The following RCHY1 variants were observed in gnomAD, a reference collection of about 807,000 sequenced individuals.
The protein encoded by RCHY1 is ring finger and CHY zinc finger domain containing 1, also known as RING finger and CHY zinc finger domain-containing protein 1.
Under a neutral mutation model 41.6 loss-of-function variants are expected in RCHY1, and 21 were observed. The ratio of observed to expected loss-of-function variants is 0.51; its 90% CI spans 0.36 to 0.73. RCHY1 has a LOEUF of 0.73. RCHY1 is among the 30% of genes least tolerant of loss of function. RCHY1 has a pLI of 0.00. For missense variants in RCHY1, 265 were observed against 325.3 expected, an observed-to-expected ratio of 0.81 and a Z score of 1.43; for synonymous variants, 79 against 102.9, an observed-to-expected ratio of 0.77 and a Z score of 1.41.
chr4:75,509,469 TTA>T (rs1245810795), intron 1 of RCHY1, 173 bp from the exon 2 acceptor site: 2 of 560,768 alleles, frequency 3.6e-6, no homozygotes, highest in African/African-American at 1.9e-5. Flanking sequence ...TTGGCATATT[TTA>T]TGTTAATTCT....
chr4:75,480,526 T>C lies in RCHY1; in HGVS notation c.*2012A>G, dbSNP rs1164279757. On this transcript the variant is annotated 3_prime_UTR_variant, in exon 9 of 9. Coordinates refer to ENST00000324439, the MANE Select transcript of RCHY1 (RefSeq NM_015436.4). ...TAACCTCTAAACCTCAGCTTTCTTG[T>C]CTATGAGGACAACACTTACCCCACA... 2.0e-5 allele frequency: 3 copies of C among 150,466 alleles called. No homozygotes were observed. Among genetic ancestry groups the C allele is most frequent in the African/African-American group, 7.2e-5 (3 of 41,394 alleles). 9.3% of individuals were successfully genotyped at this position (150,466 alleles called of 1,614,324 possible). A position where few individuals can be genotyped will look rare whatever the true frequency, so the allele number is the denominator to read the frequency against.
At chr4:75,482,785 A>G (rs1721628797) in intron 8 of RCHY1, 119 bp from the exon 9 acceptor site, 1 of 651,742 alleles carries the variant, frequency 1.5e-6, no homozygotes, top group Non-Finnish European at 2.2e-6. Flanking sequence ...TAAGTCTAAA[A>G]ATTTCCAAAA....
chr4:75,495,686 A>T (rs1723136178), intron 3 of RCHY1, among the ~76,000 whole-genome samples: 1 of 152,092 alleles, frequency 6.6e-6, no homozygotes, highest in Admixed American at 6.6e-5. Context: ...TACACAACTC[A>T]GATTTATTTC....
chr4:75,490,637 C>G lies in RCHY1; in HGVS notation c.601G>C (p.Asp201His), dbSNP rs1308222641. 2 of 1,610,844 alleles carry G rather than the reference C, an allele frequency of 1.2e-6. No individual in the cohort carries two copies. The highest frequency in any genetic ancestry group is 1.7e-6 in the Non-Finnish European group (2 of 1,177,300). ...ATAGGAGTCTGTGCTACTTCATCAT[C>G]CAGCTGTCTCCAATACCTGGTCATA... ...LDMTRYWRQLDDEVAQTPMPS... is the reference protein window; with the variant it reads ...LDMTRYWRQLHDEVAQTPMPS... The change falls in exon 8 of 9, where the codon GAT (aspartate) becomes CAT (histidine). Residue 201 changes from aspartate (D) to histidine (H), a missense_variant. Physicochemically the swap from Asp to His is moderately conservative, Grantham distance 81. Coordinates refer to ENST00000324439, the MANE Select transcript of RCHY1 (RefSeq NM_015436.4).
At chr4:75,502,732 T>G (rs1723902572) in intron 3 of RCHY1, among the ~76,000 whole-genome samples, 1 of 152,160 alleles carries the variant, frequency 6.6e-6, no homozygotes, top group Non-Finnish European at 1.5e-5. Flanking sequence ...TTTCACATTA[T>G]CAATCATTCC....
chr4:75,505,300 C>G (rs1488886370), intron 3 of RCHY1, among the ~76,000 whole-genome samples: 1 of 152,168 alleles, frequency 6.6e-6, no homozygotes, highest in Non-Finnish European at 1.5e-5. Context: ...TCCTAACAGG[C>G]CATGCACCAG....
rs1400235274 is a variant in RCHY1, at chr4:75,479,641, T to G, written c.*2897A>C. On this transcript the variant is annotated 3_prime_UTR_variant, in exon 9 of 9. Transcript: ENST00000324439. ...AATGAACAACTTGATATACACTCAT[T>G]TTTTTTTTATACATACATCTTTAAT... 6.6e-6 allele frequency: 1 copy of G among 150,790 alleles called. No homozygotes were observed. The highest frequency in any genetic ancestry group is 1.5e-5 in the Non-Finnish European group (1 of 67,560). The allele number at this position is 150,790 out of a possible 1,614,324, so 9.3% of individuals were successfully genotyped here.
At chr4:75,493,199 C>T (rs1015675399) in intron 4 of RCHY1, among the ~76,000 whole-genome samples, 18 of 152,118 alleles carry the variant, frequency 1.2e-4, no homozygotes, top group Admixed American at 9.2e-4. Context: ...AAAAAATTTA[C>T]AATCTACTAA....
At chr4:75,491,984 T>C in intron 4 of RCHY1, 51 bp from the exon 5 acceptor site, 1 of 1,371,492 alleles carries the variant, frequency 7.3e-7, no homozygotes, top group Non-Finnish European at 9.9e-7. Context: ...GATTAAAATG[T>C]CAGGTATAAA....
In RCHY1 at chr4:75,494,104, G is replaced by C. The variant is rs1401162004; in HGVS notation, c.402C>G (p.His134Gln). 5.9e-6 allele frequency: 9 copies of C among 1,517,548 alleles called. No homozygotes were observed. Among genetic ancestry groups the C allele is most frequent in the Non-Finnish European group, 6.2e-6 (7 of 1,121,886 alleles). The allele number at this position is 1,517,548 out of a possible 1,614,324, so 94.0% of individuals were successfully genotyped here. A position where few individuals can be genotyped will look rare whatever the true frequency, so the allele number is the denominator to read the frequency against. ...TTATACAAACTAAATTATATACCTT[G>C]TGTCTTCCTTGAAGATTCATAGCTA... ...LCLAMNLQGR[H>Q]KCIENVSRQN... The change falls in exon 4 of 9, where the codon CAC becomes CAG. Residue 134 changes from histidine (H) to glutamine (Q), a missense_variant. By Grantham distance (24) the His-to-Gln change is conservative. Coordinates refer to ENST00000324439, the MANE Select transcript of RCHY1 (RefSeq NM_015436.4).
chr4:75,503,460 G>A (rs1008683574), intron 3 of RCHY1, among the ~76,000 whole-genome samples: 1 of 152,138 alleles, frequency 6.6e-6, no homozygotes, highest in Admixed American at 6.5e-5. Flanking sequence ...ATTTTGGGAG[G>A]CCAAGGTGGG....
intron 8 of RCHY1, among the ~76,000 whole-genome samples, chr4:75,482,975 T>C (rs2148704605): frequency 6.6e-6 from 1 of 152,188 alleles, no homozygotes; most frequent in East Asian, 1.9e-4. Flanking sequence ...ATCAGATGAA[T>C]ACCTGATACT....
In RCHY1 at chr4:75,491,634, C is replaced by T. The variant is rs753197072; in HGVS notation, c.513G>A (p.Thr171=). 5.5e-5 allele frequency: 88 copies of T among 1,597,660 alleles called. No individual in the cohort carries two copies. Among genetic ancestry groups the T allele is most frequent in the Non-Finnish European group, 3.4e-5 (40 of 1,166,442 alleles). The part of the protein sequence containing the change: ...VLPCGHLLHR[T]CYEEMLKEGY... ...ACTCTTTCAACATTTCTTCATAACA[C>T]GTTCTGAAAGAAAATATAAGATTAT... The change falls in exon 7 of 9, where the codon ACG becomes ACA. Residue 171 remains threonine (T), a synonymous_variant. Coordinates refer to ENST00000324439, the MANE Select transcript of RCHY1 (RefSeq NM_015436.4).
intron 3 of RCHY1, among the ~76,000 whole-genome samples, chr4:75,505,532 T>C (rs1183946625): frequency 6.6e-6 from 1 of 151,744 alleles, no homozygotes; most frequent in South Asian, 2.1e-4. Flanking sequence ...GTAGATATGA[T>C]ATACAAAATA....
chr4:75,490,537 G>C, intron 8 of RCHY1, 44 bp downstream of exon 8: 1 of 1,544,040 alleles, frequency 6.5e-7, no homozygotes, highest in Non-Finnish European at 8.8e-7. Context: ...AAATAAGAGT[G>C]CCAACAAGGA....
intron 4 of RCHY1, among the ~76,000 whole-genome samples, chr4:75,492,525 G>A (rs1427124372): frequency 6.6e-6 from 1 of 151,880 alleles, no homozygotes; most frequent in Non-Finnish European, 1.5e-5. Context: ...AGCTCCAGCA[G>A]GCTAACTTCA....
At position 75,508,939 on chromosome 4, in the gene RCHY1, A is replaced by T. The variant is rs1724589906; in HGVS notation, c.211-4T>A. The T allele has an allele frequency of 3.8e-6, 6 of 1,570,330 alleles. No individual in the cohort carries two copies. The highest frequency in any genetic ancestry group is 5.2e-6 in the Non-Finnish European group (6 of 1,154,738). ...ATTCTTCACAAGTCTGTTGGGCCTAAAAAAGAAACATAATTAAAAACTGCA... is the reference window on the plus strand; with the variant it reads ...ATTCTTCACAAGTCTGTTGGGCCTATAAAAGAAACATAATTAAAAACTGCA... On this transcript the variant is annotated splice_region_variant and splice_polypyrimidine_tract_variant and intron_variant, in intron 2 of 8. Coordinates refer to ENST00000324439, the MANE Select transcript of RCHY1 (RefSeq NM_015436.4).
At chr4:75,513,358 T>G (rs551137330) in intron 1 of RCHY1, among the ~76,000 whole-genome samples, 1 of 152,214 alleles carries the variant, frequency 6.6e-6, no homozygotes, top group Non-Finnish European at 1.5e-5. Context: ...CTTCAGGGAA[T>G]GCGCCCTGTT....
Position 75,481,694 on chromosome 4 carries a change from T to G in RCHY1, c.*844A>C, listed in dbSNP as rs1320048318. 7.2e-5 allele frequency: 11 copies of G among 152,240 alleles called. No individual in the cohort carries two copies. Among genetic ancestry groups the G allele is most frequent in the African/African-American group, 2.2e-4 (9 of 41,450 alleles). The allele number at this position is 152,240 out of a possible 1,614,324, so 9.4% of individuals were successfully genotyped here. A position where few individuals can be genotyped will look rare whatever the true frequency, so the allele number is the denominator to read the frequency against. ...CTGTGAGGACAAGGACTTTTATCTT[T>G]ATTGTTCACTGTTGTCTCTACAGCA... On this transcript the variant is annotated 3_prime_UTR_variant, in exon 9 of 9. Transcript: ENST00000324439.
Sources: gnomAD v4.1 joint callset for allele counts (sites outside exome capture counted in the v4.1 genomes callset) on GRCh38, gnomAD v4.1.1 for gene constraint, MANE v1.5 for transcripts, NCBI Gene and HGNC (gene_info 2026-07-23, HGNC 2026-07-21) for gene names.